PRKCB: variants seen among roughly 807,000 people sequenced by gnomAD.
PRKCB encodes the protein protein kinase C beta, also known as protein kinase C beta type.
In PRKCB, 13 loss-of-function variants were observed where a neutral mutation model predicts 81.5. That is an observed-to-expected ratio of 0.16 (90% CI 0.10 to 0.25). The LOEUF is 0.25. Among genes scored for constraint, PRKCB ranks in the 10% least tolerant of loss-of-function variants. The pLI is 1.00. For synonymous variants in PRKCB, 335 were observed against 321.4 expected (o/e 1.04, Z -0.45); for missense variants, 509 against 875.7 (o/e 0.58, Z 5.29).
intron 2 of PRKCB, among the ~76,000 whole-genome samples, chr16:23,903,076 C>T (rs1440382938): frequency 3.3e-5 from 5 of 150,738 alleles, no homozygotes; most frequent in African/African-American, 1.2e-4. Flanking sequence ...AGGAGCCCTC[C>T]TGCTTCAGCC....
chr16:24,142,328 C>T (rs1326023360), intron 9 of PRKCB, among the ~76,000 whole-genome samples: 2 of 152,206 alleles, frequency 1.3e-5, no homozygotes, highest in Non-Finnish European at 2.9e-5. Flanking sequence ...ATACCTGCCA[C>T]GTGGTAAAGA....
At chr16:23,933,768 CTCCA>C (rs377110328) in intron 2 of PRKCB, among the ~76,000 whole-genome samples, 18,614 of 125,510 alleles carry the variant, frequency 0.15, 1,543 homozygotes, top group South Asian at 0.23. Flanking sequence ...CATCTATCCA[CTCCA>C]TCCATCCATC....
intron 2 of PRKCB, among the ~76,000 whole-genome samples, chr16:23,959,596 C>T (rs1964396496): frequency 6.6e-6 from 1 of 152,212 alleles, no homozygotes; most frequent in African/African-American, 2.4e-5. Flanking sequence ...TACAAACTTG[C>T]TTACTGTTTA....
intron 2 of PRKCB, 99 bp downstream of exon 2, chr16:23,837,505 C>T (rs1339012439): frequency 6.8e-7 from 1 of 1,461,316 alleles, no homozygotes; most frequent in Non-Finnish European, 9.3e-7. Flanking sequence ...GAAAGAATCA[C>T]GTTGGTCGGA....
At chr16:24,079,827 G>T (rs1010800463) in intron 5 of PRKCB, among the ~76,000 whole-genome samples, 3 of 152,174 alleles carry the variant, frequency 2.0e-5, no homozygotes, top group Non-Finnish European at 4.4e-5. Flanking sequence ...TAATAGATAT[G>T]CCTCTAGAGT....
chr16:24,142,059 C>G (rs1966909838), intron 9 of PRKCB, among the ~76,000 whole-genome samples: 1 of 152,268 alleles, frequency 6.6e-6, no homozygotes, highest in Admixed American at 6.5e-5. Context: ...CATTATGTCA[C>G]TTGATCTCAC....
intron 9 of PRKCB, among the ~76,000 whole-genome samples, chr16:24,127,400 A>G (rs76713562): frequency 0.018 from 2,710 of 152,256 alleles, 79 homozygotes; most frequent in African/African-American, 0.062. Context: ...ACCCAAGTTC[A>G]CGTCTTTCTC....
intron 2 of PRKCB, among the ~76,000 whole-genome samples, chr16:23,896,133 C>A (rs577100107): frequency 1.9e-4 from 29 of 151,582 alleles, no homozygotes; most frequent in African/African-American, 7.0e-4. Context: ...TTTCTTCTCC[C>A]AATCCACTTT....
chr16:23,873,370 CAA>C (rs113026809), intron 2 of PRKCB, among the ~76,000 whole-genome samples: 11 of 113,510 alleles, frequency 9.7e-5, no homozygotes, highest in Admixed American at 9.0e-5. Flanking sequence ...GAAACTCTGT[CAA>C]AAAAAAAAAA....
intron 2 of PRKCB, among the ~76,000 whole-genome samples, chr16:23,879,974 G>T (rs2141107025): frequency 6.6e-6 from 1 of 152,290 alleles, no homozygotes. Flanking sequence ...TAAAAACACC[G>T]ATCTCATAGG....
chr16:24,111,650 A>C (rs1300122516), intron 7 of PRKCB, among the ~76,000 whole-genome samples: 1 of 150,508 alleles, frequency 6.6e-6, no homozygotes, highest in African/African-American at 2.4e-5. Context: ...GAAAAAAAAA[A>C]CAGCCAGGTG....
At chr16:24,169,792 T>A (rs1596580210) in intron 10 of PRKCB, among the ~76,000 whole-genome samples, 1 of 152,260 alleles carries the variant, frequency 6.6e-6, no homozygotes, top group East Asian at 1.9e-4. Flanking sequence ...TTATTTATTT[T>A]TTGAGACAGA....
chr16:23,981,627 CT>C (rs200473289), intron 2 of PRKCB, among the ~76,000 whole-genome samples: 1,909 of 143,396 alleles, frequency 0.013, 64 homozygotes, highest in African/African-American at 0.047. Context: ...TTTCCCTTCC[CT>C]TTTTTCCCTT....
chr16:24,041,636 A>G (rs573791655), intron 5 of PRKCB, among the ~76,000 whole-genome samples: 2 of 152,010 alleles, frequency 1.3e-5, no homozygotes, highest in East Asian at 3.9e-4. Flanking sequence ...AGCCTTAGGT[A>G]CTCCCAATAT....
Position 24,218,211 on chromosome 16 carries a change from A to G in PRKCB, c.*3395A>G. The G allele has an allele frequency of 2.0e-6, 2 of 985,444 alleles. No homozygotes were observed. The highest frequency in any genetic ancestry group is 4.7e-5 in the South Asian group (1 of 21,280). 61.0% of individuals were successfully genotyped at this position (985,444 alleles called of 1,614,324 possible). ...ACAATTTCTGAAAGCAATAAGTGCA[A>G]TCAAGATAATTAAAGGATGCTAAAG... On this transcript the variant is annotated 3_prime_UTR_variant, in exon 17 of 17. Coordinates refer to ENST00000643927, the MANE Select transcript of PRKCB (RefSeq NM_002738.7).
chr16:23,977,618 C>T (rs914709266), intron 2 of PRKCB, among the ~76,000 whole-genome samples: 1 of 152,162 alleles, frequency 6.6e-6, no homozygotes, highest in South Asian at 2.1e-4. Context: ...ATACAGAGAA[C>T]GTCTCTAGAA....
chr16:23,944,493 T>C (rs1964180038), intron 2 of PRKCB, among the ~76,000 whole-genome samples: 1 of 152,242 alleles, frequency 6.6e-6, no homozygotes, highest in Admixed American at 6.5e-5. Context: ...TAGGGCATTT[T>C]AGCCCCTCTG....
At chr16:24,051,057 CT>C (rs1965835503) in intron 5 of PRKCB, among the ~76,000 whole-genome samples, 2 of 152,222 alleles carry the variant, frequency 1.3e-5, no homozygotes, top group East Asian at 3.9e-4. Context: ...TGCCGAGTGT[CT>C]TCCGGACATC....
At chr16:24,111,951 C>G (rs908831701) in intron 7 of PRKCB, among the ~76,000 whole-genome samples, 18 of 152,114 alleles carry the variant, frequency 1.2e-4, no homozygotes, top group Non-Finnish European at 2.5e-4. Flanking sequence ...AATTTGTATT[C>G]CAATTTATAG....
Sources: gnomAD v4.1 joint callset for allele counts (sites outside exome capture counted in the v4.1 genomes callset) on GRCh38, gnomAD v4.1.1 for gene constraint, MANE v1.5 for transcripts, NCBI Gene and HGNC (gene_info 2026-07-23, HGNC 2026-07-21) for gene names.